The following SYT1 variants were observed in gnomAD, a reference collection of about 807,000 sequenced individuals.
SYT1 encodes synaptotagmin 1, also known as synaptotagmin-1.
A neutral mutation model predicts 44.8 loss-of-function variants in SYT1; 8 were observed. That is an observed-to-expected ratio of 0.18 (90% CI 0.10 to 0.32). SYT1 has a LOEUF of 0.32. Among genes scored for constraint, SYT1 ranks in the 10% least tolerant of loss-of-function variants. SYT1 has a pLI of 1.00. For synonymous variants in SYT1, 154 were observed against 188.8 expected, an observed-to-expected ratio of 0.82 and a Z score of 1.51; for missense variants, 286 against 509.3, an observed-to-expected ratio of 0.56 and a Z score of 4.22.
At chr12:78,971,223 T>A (rs1396358926) in intron 1 of SYT1, among the ~76,000 whole-genome samples, 1 of 152,182 alleles carries the variant, frequency 6.6e-6, no homozygotes, top group African/African-American at 2.4e-5. Context: ...TCAGCAAATC[T>A]CTAGACTAGA....
intron 9 of SYT1, among the ~76,000 whole-genome samples, chr12:79,371,077 G>A (rs971929911): frequency 1.3e-5 from 2 of 152,164 alleles, no homozygotes; most frequent in Non-Finnish European, 2.9e-5. Flanking sequence ...TTTCTCTGCT[G>A]TGCATTTACT....
chr12:79,073,979 A>T (rs1016787632), intron 3 of SYT1, among the ~76,000 whole-genome samples: 3 of 152,148 alleles, frequency 2.0e-5, no homozygotes, highest in African/African-American at 7.2e-5. Context: ...TGCTTATTTA[A>T]CTAAATTGTT....
chr12:79,430,822 TC>T (rs1385787387), intron 9 of SYT1, among the ~76,000 whole-genome samples: 3 of 152,240 alleles, frequency 2.0e-5, no homozygotes, highest in Admixed American at 2.0e-4. Flanking sequence ...AAAGAGACGC[TC>T]AGTAGGTATT....
intron 3 of SYT1, among the ~76,000 whole-genome samples, chr12:79,138,217 A>G (rs1055678129): frequency 1.3e-5 from 2 of 152,210 alleles, no homozygotes; most frequent in Non-Finnish European, 2.9e-5. Context: ...TTACTAAAAT[A>G]CACAGAAAAA....
chr12:79,026,212 GGAA>G (rs986025713), intron 2 of SYT1, among the ~76,000 whole-genome samples: 3 of 151,556 alleles, frequency 2.0e-5, no homozygotes, highest in African/African-American at 7.3e-5. Flanking sequence ...ACATTTTAAA[GGAA>G]GAAGAACTTT....
intron 4 of SYT1, among the ~76,000 whole-genome samples, chr12:79,222,849 A>G (rs1045485856): frequency 6.6e-6 from 1 of 151,950 alleles, no homozygotes; most frequent in Admixed American, 6.6e-5. Context: ...TTCAAAATCA[A>G]AGATTCTTTC....
intron 2 of SYT1, among the ~76,000 whole-genome samples, chr12:79,024,356 C>T (rs1872389252): frequency 6.6e-6 from 1 of 151,710 alleles, no homozygotes; most frequent in South Asian, 2.1e-4. Flanking sequence ...GGTGGCAGAA[C>T]CCAGGGTTGT....
At chr12:79,419,841 A>G (rs1868993079) in intron 9 of SYT1, among the ~76,000 whole-genome samples, 1 of 152,018 alleles carries the variant, frequency 6.6e-6, no homozygotes, top group Non-Finnish European at 1.5e-5. Context: ...ATTCCAATGT[A>G]TGTTTTTATG....
chr12:79,081,724 C>A (rs1203063126), intron 3 of SYT1, among the ~76,000 whole-genome samples: 1 of 152,094 alleles, frequency 6.6e-6, no homozygotes, highest in Admixed American at 6.6e-5. Context: ...TATTCTGTAT[C>A]TAGTCATTCG....
chr12:79,436,881 T>A (rs1870121144), intron 9 of SYT1, among the ~76,000 whole-genome samples: 1 of 152,126 alleles, frequency 6.6e-6, no homozygotes, highest in African/African-American at 2.4e-5. Context: ...AGTCCTCCAA[T>A]ACCAGAAAAG....
chr12:79,387,160 C>CT (rs1884467408), intron 9 of SYT1, among the ~76,000 whole-genome samples: 1 of 152,186 alleles, frequency 6.6e-6, no homozygotes, highest in African/African-American at 2.4e-5. Flanking sequence ...TCTACCCTCT[C>CT]TTACCCACCT....
At chr12:79,036,053 C>A (rs1239849102) in intron 2 of SYT1, among the ~76,000 whole-genome samples, 4 of 151,520 alleles carry the variant, frequency 2.6e-5, no homozygotes, top group African/African-American at 9.7e-5. Context: ...ACATTCCTGT[C>A]CAGTTTTTAA....
intron 1 of SYT1, among the ~76,000 whole-genome samples, chr12:78,876,316 T>C (rs1874065649): frequency 6.6e-6 from 1 of 151,542 alleles, no homozygotes; most frequent in Non-Finnish European, 1.5e-5. Flanking sequence ...GCATATTAAC[T>C]TTTGTGAGAC....
intron 3 of SYT1, among the ~76,000 whole-genome samples, chr12:79,086,027 A>G (rs1877356147): frequency 6.6e-6 from 1 of 152,150 alleles, no homozygotes. Flanking sequence ...CTGAATATTG[A>G]CTAAATTACT....
At chr12:79,438,536 A>G (rs1200762972) in intron 9 of SYT1, among the ~76,000 whole-genome samples, 1 of 152,258 alleles carries the variant, frequency 6.6e-6, no homozygotes, top group Admixed American at 6.5e-5. Flanking sequence ...GAATGGCACC[A>G]GGCCGCAGGT....
chr12:79,203,085 G>A (rs1369831791), intron 3 of SYT1, among the ~76,000 whole-genome samples: 1 of 65,444 alleles, frequency 1.5e-5, no homozygotes, highest in East Asian at 2.3e-4. Context: ...ATAAGCCTAT[G>A]GAAAAAAAAA....
intron 9 of SYT1, among the ~76,000 whole-genome samples, chr12:79,414,654 A>C (rs1868624448): frequency 6.6e-6 from 1 of 152,132 alleles, no homozygotes; most frequent in South Asian, 2.1e-4. Flanking sequence ...GGAATTGAAG[A>C]CCTCTTTCTT....
At position 79,160,907 on chromosome 12, in the gene SYT1, G is replaced by A. The variant is rs1209783796; in HGVS notation, c.-17-56596G>A. ...GGTGCATAATGACCTTTTGATCAATGACAGACTGCATTTATGATAGTGGTC... is the reference window on the plus strand; with the variant it reads ...GGTGCATAATGACCTTTTGATCAATAACAGACTGCATTTATGATAGTGGTC... On this transcript the variant is annotated intron_variant, in intron 3 of 10. Coordinates refer to ENST00000261205, the MANE Select transcript of SYT1 (RefSeq NM_005639.3). 2.0e-5 allele frequency among the ~76,000 whole-genome samples: 3 copies of A among 152,078 alleles called. No homozygotes were observed. In the East Asian group the frequency reaches 5.8e-4, roughly 29 times the overall value.
At chr12:78,871,750 G>A (rs2137036075) in intron 1 of SYT1, among the ~76,000 whole-genome samples, 1 of 151,914 alleles carries the variant, frequency 6.6e-6, no homozygotes, top group South Asian at 2.1e-4. Context: ...TGGAGTGTCT[G>A]CCAGATCCTA....
Sources: gnomAD v4.1 joint callset for allele counts (sites outside exome capture counted in the v4.1 genomes callset) on GRCh38, gnomAD v4.1.1 for gene constraint, MANE v1.5 for transcripts, NCBI Gene and HGNC (gene_info 2026-07-23, HGNC 2026-07-21) for gene names.